The following GDAP1 variants were observed in gnomAD, a reference collection of about 807,000 sequenced individuals.
GDAP1 encodes ganglioside-induced differentiation-associated protein 1.
GDAP1 carries 34 observed loss-of-function variants against 40.1 expected under a neutral mutation model. The observed-to-expected ratio is 0.85, with a 90% CI of 0.64 to 1.13. The LOEUF (loss-of-function observed/expected upper bound fraction) is 1.13. Ranked by LOEUF, GDAP1 falls within the 50% of genes most tolerant of loss-of-function variation. GDAP1 has a pLI of 0.00. For synonymous variants in GDAP1, 170 were observed against 157.4 expected (o/e 1.08, Z -0.60); for missense variants, 374 against 433.7 (o/e 0.86, Z 1.22).
intron 2 of GDAP1, among the ~76,000 whole-genome samples, chr8:74,377,347 TAACAC>T (rs1042450910): frequency 3.1e-4 from 47 of 152,230 alleles, no homozygotes; most frequent in African/African-American, 1.1e-3. Context: ...AATTCAATAA[TAACAC>T]AACAAACAAC....
intron 2 of GDAP1, among the ~76,000 whole-genome samples, chr8:74,458,206 T>G (rs1481820101): frequency 6.6e-6 from 1 of 152,002 alleles, no homozygotes; most frequent in Non-Finnish European, 1.5e-5. Flanking sequence ...ACCTATACTT[T>G]AGCAGTTTAA....
At chr8:74,372,927 T>C (rs530462028) in intron 2 of GDAP1, among the ~76,000 whole-genome samples, 1,608 of 152,338 alleles carry the variant, frequency 0.011, 16 homozygotes, top group African/African-American at 0.037. Flanking sequence ...TTAATCCATC[T>C]TGAATTAATT....
intron 2 of GDAP1, among the ~76,000 whole-genome samples, chr8:74,467,689 C>T (rs998619352): frequency 2.6e-5 from 4 of 152,028 alleles, no homozygotes; most frequent in African/African-American, 9.7e-5. Context: ...GTGGAGGTAC[C>T]TATGGAGTGA....
chr8:74,382,389 T>C (rs76067895), intron 2 of GDAP1, among the ~76,000 whole-genome samples: 16 of 148,828 alleles, frequency 1.1e-4, no homozygotes, highest in South Asian at 2.1e-4. Flanking sequence ...TTTTTTTTTT[T>C]CTAGATCTTT....
chr8:74,450,289 G>A (rs1806280891), intron 2 of GDAP1, among the ~76,000 whole-genome samples: 1 of 151,706 alleles, frequency 6.6e-6, no homozygotes, highest in Admixed American at 6.6e-5. Context: ...CATCTGATAA[G>A]CACTCAAAAA....
At chr8:74,467,925 T>C (rs543156332) in intron 2 of GDAP1, among the ~76,000 whole-genome samples, 2 of 152,320 alleles carry the variant, frequency 1.3e-5, no homozygotes, top group South Asian at 4.1e-4. Context: ...AATTATTTCA[T>C]CTCTTGGACA....
intron 2 of GDAP1, among the ~76,000 whole-genome samples, chr8:74,375,917 C>T (rs1809844678): frequency 6.6e-6 from 1 of 152,168 alleles, no homozygotes; most frequent in South Asian, 2.1e-4. Context: ...ATGAAGTTAG[C>T]AAGTTCTCAG....
downstream of GDAP1, among the ~76,000 whole-genome samples, chr8:74,371,620 A>G (rs1809752087): frequency 6.6e-6 from 1 of 151,782 alleles, no homozygotes; most frequent in South Asian, 2.1e-4. Context: ...AGATCGCGCC[A>G]CTGCACTCCA....
chr8:74,429,985 C>T (rs1182589766), intron 2 of GDAP1, among the ~76,000 whole-genome samples: 1 of 151,700 alleles, frequency 6.6e-6, no homozygotes, highest in African/African-American at 2.4e-5. Context: ...ATACAGTGTC[C>T]CAAAACAGGG....
intron 2 of GDAP1, among the ~76,000 whole-genome samples, chr8:74,381,203 A>C (rs973559938): frequency 6.6e-6 from 1 of 152,118 alleles, no homozygotes; most frequent in African/African-American, 2.4e-5. Context: ...TATCTGACCC[A>C]ATAATTTGAG....
At chr8:74,383,226 T>G (rs1345085781) in intron 2 of GDAP1, among the ~76,000 whole-genome samples, 1 of 152,208 alleles carries the variant, frequency 6.6e-6, no homozygotes, top group Non-Finnish European at 1.5e-5. Flanking sequence ...CAAAATTGGG[T>G]TGGGGGAAAT....
At chr8:74,384,456 T>A (rs955584664) in intron 2 of GDAP1, among the ~76,000 whole-genome samples, 2 of 152,186 alleles carry the variant, frequency 1.3e-5, no homozygotes, top group African/African-American at 4.8e-5. Context: ...TAAACCCCAA[T>A]TGTTCAACTC....
In GDAP1 at chr8:74,408,545, A is replaced by G. The variant is rs144359417; in HGVS notation, c.165+57224A>G. Among the ~76,000 whole-genome samples the G allele has an allele frequency of 1.0e-4, 15 of 150,232 alleles. 1 individual carries two copies. Among genetic ancestry groups the G allele is most frequent in the African/African-American group, 3.3e-4 (13 of 39,556 alleles). ...TTTCAGGACTTAATGAAAAGGCACCATCCATGAGCCAGGAAACACATCCTC... is the reference window on the plus strand; with the variant it reads ...TTTCAGGACTTAATGAAAAGGCACCGTCCATGAGCCAGGAAACACATCCTC... On this transcript the variant is annotated intron_variant, in intron 2 of 2. Coordinates refer to the GDAP1 transcript ENST00000523640.
At chr8:74,468,903 A>T (rs1586844311) in intron 2 of GDAP1, among the ~76,000 whole-genome samples, 1 of 152,116 alleles carries the variant, frequency 6.6e-6, no homozygotes. Context: ...TTCCTCAGTT[A>T]TGCATAATGC....
intron 2 of GDAP1, among the ~76,000 whole-genome samples, chr8:74,403,251 T>C (rs1324845325): frequency 6.7e-6 from 1 of 150,242 alleles, no homozygotes; most frequent in African/African-American, 2.5e-5. Context: ...TTAAGGTTTA[T>C]TAGTATTGGA....
At chr8:74,395,566 A>G (rs1810181778) in intron 2 of GDAP1, among the ~76,000 whole-genome samples, 3 of 152,212 alleles carry the variant, frequency 2.0e-5, no homozygotes, top group Admixed American at 1.3e-4. Flanking sequence ...GAGGTTAAAC[A>G]TAGGGTCACA....
chr8:74,368,305 C>G (rs899228244), downstream of GDAP1, among the ~76,000 whole-genome samples: 6 of 152,132 alleles, frequency 3.9e-5, no homozygotes, highest in African/African-American at 1.4e-4. Flanking sequence ...GATTAAACTA[C>G]CTTTTGAATT....
At chr8:74,465,519 C>G (rs1806458096) in intron 2 of GDAP1, among the ~76,000 whole-genome samples, 1 of 152,190 alleles carries the variant, frequency 6.6e-6, no homozygotes, top group African/African-American at 2.4e-5. Flanking sequence ...CTCCACTTCT[C>G]CTTCTCATCT....
intron 2 of GDAP1, among the ~76,000 whole-genome samples, chr8:74,383,805 A>G (rs1394307775): frequency 2.0e-5 from 3 of 152,158 alleles, no homozygotes; most frequent in Non-Finnish European, 4.4e-5. Flanking sequence ...CACTTCTTCC[A>G]TGAAGCCTTC....
Sources: gnomAD v4.1 joint callset for allele counts (sites outside exome capture counted in the v4.1 genomes callset) on GRCh38, gnomAD v4.1.1 for gene constraint, MANE v1.5 for transcripts, NCBI Gene and HGNC (gene_info 2026-07-23, HGNC 2026-07-21) for gene names.